NDUFA11: variants seen among roughly 807,000 people sequenced by gnomAD.
NDUFA11 encodes the protein NADH dehydrogenase [ubiquinone] 1 alpha subcomplex subunit 11.
In NDUFA11, 14 loss-of-function variants were observed where a neutral mutation model predicts 11.3. That is an observed-to-expected ratio of 1.24 (90% CI 0.82 to 1.94). NDUFA11 has a LOEUF of 1.94. Ranked by LOEUF, NDUFA11 falls within the 30% of genes most tolerant of loss-of-function variation. NDUFA11 has a pLI of 0.00. For missense variants in NDUFA11, 204 were observed against 200.3 expected, an observed-to-expected ratio of 1.02 and a Z score of -0.11; for synonymous variants, 87 against 85.6, an observed-to-expected ratio of 1.02 and a Z score of -0.09.
At chr19:5,895,649 G>A (rs113846482) in intron 3 of NDUFA11, 18,149 of 152,986 alleles carry the variant, frequency 0.12, 1,091 homozygotes, top group Middle Eastern at 0.15. Flanking sequence ...CACTCCTCCC[G>A]CTGGCCCTGA....
downstream of NDUFA11, chr19:5,894,528 G>A: frequency 2.0e-6 from 2 of 984,376 alleles, no homozygotes; most frequent in South Asian, 1.5e-5. Flanking sequence ...AGTTCTGTGG[G>A]GCCAGGCTGG....
chr19:5,896,397 CA>C lies in NDUFA11; in HGVS notation c.313+55del. On this transcript the variant is annotated intron_variant, in intron 3 of 3. Transcript: ENST00000308961. This position sits in a 1 kb window ranked among gnomAD's most constrained non-coding sequence, Gnocchi z 5.8. The stretch of plus-strand genomic sequence containing the variant: ...GAGAGGGTGGAGGATGAGCAGAGGT[CA>C]GGGGTCATTCTGCCAGGCTGGGAGG... The C allele has an allele frequency of 7.6e-7, 1 of 1,319,506 alleles. No individual in the cohort carries two copies. Among genetic ancestry groups the C allele is most frequent in the Non-Finnish European group, 9.9e-7 (1 of 1,007,440 alleles). The allele number at this position is 1,319,506 out of a possible 1,614,324, so 81.7% of individuals were successfully genotyped here. A position where few individuals can be genotyped will look rare whatever the true frequency, so the allele number is the denominator to read the frequency against.
intron 1 of NDUFA11, chr19:5,901,298 C>G: frequency 7.9e-7 from 1 of 1,269,068 alleles, no homozygotes; most frequent in South Asian, 1.3e-5. Flanking sequence ...TGGGTGGCCC[C>G]CTTCAGCCCT....
chr19:5,896,877 C>G lies in NDUFA11; in HGVS notation c.190+28G>C, dbSNP rs987197346. ...AGCTGGGGCTGTGCCAGGAGAGGGC[C>G]CAGCCATGCCCAGCCCAGCGTGCTC... On this transcript the variant is annotated intron_variant, in intron 2 of 3. Transcript: ENST00000308961. This position sits in a 1 kb window ranked among gnomAD's most constrained non-coding sequence, Gnocchi z 5.8. The G allele has an allele frequency of 6.3e-6, 10 of 1,575,530 alleles. No individual in the cohort carries two copies. The highest frequency in any genetic ancestry group is 6.1e-6 in the Non-Finnish European group (7 of 1,145,294).
chr19:5,892,568 T>G, downstream of NDUFA11: 1 of 205,960 alleles, frequency 4.9e-6, no homozygotes, highest in Non-Finnish European at 9.9e-6. Context: ...GTGGGCAGGA[T>G]GCATGGGAAG....
At chr19:5,903,544 G>A (rs2057658994) in intron 1 of NDUFA11, 68 bp downstream of exon 1, 1 of 1,433,374 alleles carries the variant, frequency 7.0e-7, no homozygotes, top group Non-Finnish European at 9.5e-7. Flanking sequence ...GATCCAAACA[G>A]CCCCCAGTAA....
rs368323549 is a variant in NDUFA11 at position 5,903,742 on chromosome 19, G to A, written c.-34C>T. ...ATCTCGATCCCGCACCACGGACCCC[G>A]CCAGCTCGGGAAGCGCAAGGGCAGC... On this transcript the variant is annotated 5_prime_UTR_variant, in exon 1 of 4. Transcript: ENST00000308961. 39 of 1,546,638 alleles carry A rather than the reference G, an allele frequency of 2.5e-5. No individual in the cohort carries two copies. Among genetic ancestry groups the A allele is most frequent in the Middle Eastern group, 1.7e-4 (1 of 5,986 alleles).
intron 1 of NDUFA11, among the ~76,000 whole-genome samples, chr19:5,902,795 G>A (rs1408007030): frequency 6.6e-6 from 1 of 152,062 alleles, no homozygotes; most frequent in African/African-American, 2.4e-5. Flanking sequence ...GATGGCCTGA[G>A]ACCAGGAGTT....
Position 5,903,760 on chromosome 19 carries a change from A to C in NDUFA11, c.-52T>G. 1 of 1,532,050 alleles carries C rather than the reference A, an allele frequency of 6.5e-7. No homozygotes were observed. The highest frequency in any genetic ancestry group is 1.2e-5 in the South Asian group (1 of 83,648). 94.9% of individuals were successfully genotyped at this position (1,532,050 alleles called of 1,614,324 possible). ...GGACCCCGCCAGCTCGGGAAGCGCA[A>C]GGGCAGCCGCGGCTGGCTATCGCGA... On this transcript the variant is annotated 5_prime_UTR_variant, in exon 1 of 4. Coordinates refer to ENST00000308961, the MANE Select transcript of NDUFA11 (RefSeq NM_175614.5).
chr19:5,896,832 G>T lies in NDUFA11; in HGVS notation c.190+73C>A. On this transcript the variant is annotated intron_variant, in intron 2 of 3. Coordinates refer to ENST00000308961, the MANE Select transcript of NDUFA11 (RefSeq NM_175614.5). This position sits in a 1 kb window ranked among gnomAD's most constrained non-coding sequence, Gnocchi z 5.8. ...GCTGGGGAGTCAGAGAGAAGAGGCA[G>T]CCGTCAAATGTGCTCTGAGAGCTGG... 1 of 1,365,848 alleles carries T rather than the reference G, an allele frequency of 7.3e-7. No homozygotes were observed. 84.6% of individuals were successfully genotyped at this position (1,365,848 alleles called of 1,614,324 possible).
rs1057517914 is a variant in NDUFA11 at position 5,896,452 on chromosome 19, C to T, written c.313+1G>A. ...GTGGGGGTGGGGAGGGGGCCACTCA[C>T]TGCGTGCTCCCAGAGTCAGGCCTCC... On this transcript the variant is annotated splice_donor_variant, in intron 3 of 3. Transcript: ENST00000308961. LOFTEE classifies it high-confidence loss of function. The surrounding 1 kb of genome is among the most constrained non-coding windows in gnomAD (Gnocchi z 5.8). 5.7e-6 allele frequency: 9 copies of T among 1,569,862 alleles called. No individual in the cohort carries two copies. The highest frequency in any genetic ancestry group is 7.8e-6 in the Non-Finnish European group (9 of 1,158,074).
At chr19:5,903,174 G>A (rs2057656658) in intron 1 of NDUFA11, among the ~76,000 whole-genome samples, 1 of 151,830 alleles carries the variant, frequency 6.6e-6, no homozygotes, top group Non-Finnish European at 1.5e-5. Flanking sequence ...CCTGACCACA[G>A]AAAGACCTCA....
chr19:5,896,468 T>A lies in NDUFA11; in HGVS notation c.298A>T (p.Thr100Ser), dbSNP rs751378723. 6.4e-7 allele frequency: 1 copy of A among 1,571,764 alleles called. No individual in the cohort carries two copies. The highest frequency in any genetic ancestry group is 1.2e-5 in the South Asian group (1 of 85,636). ...GGCCACTCACTGCGTGCTCCCAGAG[T>A]CAGGCCTCCGGCGCAGCCACCGAGG... ...YFLGGCAGGL[T>S]LGARTHNYGI... Residue 100 changes from threonine to serine, a missense_variant, in exon 3 of 4, where the codon ACT becomes TCT. By Grantham distance (58) the Thr-to-Ser change is moderately conservative (BLOSUM62 1). Coordinates refer to ENST00000308961, the MANE Select transcript of NDUFA11 (RefSeq NM_175614.5). This position sits in a 1 kb window ranked among gnomAD's most constrained non-coding sequence, Gnocchi z 5.8.
At chr19:5,892,242 A>G, downstream of NDUFA11, 1 of 153,104 alleles carries the variant, frequency 6.5e-6, no homozygotes, top group Non-Finnish European at 1.5e-5. Context: ...TGGGGCTGGG[A>G]GGTGCGAAGG....
intron 1 of NDUFA11, among the ~76,000 whole-genome samples, chr19:5,901,922 C>T (rs967027482): frequency 4.7e-5 from 7 of 149,840 alleles, no homozygotes; most frequent in African/African-American, 9.8e-5. Context: ...CCACCTGCCT[C>T]GGCCTCCCAA....
In NDUFA11 at chr19:5,903,730, A is replaced by C. The variant is rs764462190; in HGVS notation, c.-22T>G. 3.5e-5 allele frequency: 55 copies of C among 1,550,318 alleles called. No individual in the cohort carries two copies. Among genetic ancestry groups the C allele is most frequent in the Non-Finnish European group, 4.2e-5 (48 of 1,146,188 alleles). On this transcript the variant is annotated 5_prime_UTR_variant, in exon 1 of 4. Transcript: ENST00000308961. Reference sequence around the variant, plus strand: ...CCATAGCCCGCAATCTCGATCCCGCACCACGGACCCCGCCAGCTCGGGAAG... The same window carrying C: ...CCATAGCCCGCAATCTCGATCCCGCCCCACGGACCCCGCCAGCTCGGGAAG...
At chr19:5,895,437 C>T (rs2057601823) in intron 3 of NDUFA11, 1 of 154,790 alleles carries the variant, frequency 6.5e-6, no homozygotes, top group Admixed American at 6.3e-5. Flanking sequence ...GGGCTACAGT[C>T]AAGACCTCAA....
chr19:5,903,047 C>T (rs1333208529), intron 1 of NDUFA11, among the ~76,000 whole-genome samples: 1 of 149,940 alleles, frequency 6.7e-6, no homozygotes, highest in African/African-American at 2.5e-5. Context: ...CCAGGGCTTG[C>T]GGGTCCCCTT....
At position 5,896,955 on chromosome 19, in the gene NDUFA11, C is replaced by A. The variant is rs761537103; in HGVS notation, c.140G>T (p.Gly47Val). The A allele has an allele frequency of 1.2e-6, 2 of 1,614,070 alleles. No individual in the cohort carries two copies. Among genetic ancestry groups the A allele is most frequent in the Non-Finnish European group, 1.7e-6 (2 of 1,180,008 alleles). ...CTTAGCCACTCCTTCAAGGAAGGTG[C>A]CCGGAGGATTGAGTGTGACTCTGTA... Reference protein sequence around the residue: ...AAYRVTLNPPGTFLEGVAKVG... With the variant: ...AAYRVTLNPPVTFLEGVAKVG... The change falls in exon 2 of 4, where the codon GGC (glycine) becomes GTC (valine). Residue 47 changes from glycine (G) to valine (V), a missense_variant. Gly to Val is a moderately radical substitution (Grantham distance 109, BLOSUM62 -3). Coordinates refer to ENST00000308961, the MANE Select transcript of NDUFA11 (RefSeq NM_175614.5). This position sits in a 1 kb window ranked among gnomAD's most constrained non-coding sequence, Gnocchi z 5.8.
Sources: allele counts gnomAD v4.1 joint callset (sites outside exome capture counted in the v4.1 genomes callset), GRCh38; gene constraint gnomAD v4.1.1; non-coding constraint Gnocchi (gnomAD v3.1); transcripts MANE v1.5; gene names NCBI Gene and HGNC (gene_info 2026-07-23, HGNC 2026-07-21).